Variants in GNB5 observed in about 807,000 individuals in gnomAD.
GNB5 encodes the protein G protein subunit beta 5.
GNB5 carries 37 observed loss-of-function variants against 55.3 expected under a neutral mutation model. The ratio of observed to expected loss-of-function variants is 0.67; its 90% confidence interval spans 0.51 to 0.88. The LOEUF (loss-of-function observed/expected upper bound fraction) is 0.88, where lower values mean the gene tolerates loss of function less well. Ranked by LOEUF, GNB5 falls within the 40% of genes least tolerant of loss-of-function variation. The pLI is 0.00. For missense variants in GNB5, 476 were observed against 515.3 expected (o/e 0.92, Z 0.74); for synonymous variants, 219 against 198.5 (o/e 1.10, Z -0.87).
intron 3 of GNB5, among the ~76,000 whole-genome samples, chr15:52,158,662 A>T (rs1364160269): frequency 6.7e-6 from 1 of 149,912 alleles, no homozygotes. Flanking sequence ...TTTTTTTTTT[A>T]AAGTTCCTTT....
At chr15:52,160,087 C>A (rs931773433) in intron 3 of GNB5, among the ~76,000 whole-genome samples, 1 of 151,712 alleles carries the variant, frequency 6.6e-6, no homozygotes, top group Non-Finnish European at 1.5e-5. Flanking sequence ...AGCTGGAATT[C>A]CAGGCCCATG....
chr15:52,169,560 A>G (rs1284737041), intron 3 of GNB5, among the ~76,000 whole-genome samples: 8 of 149,010 alleles, frequency 5.4e-5, no homozygotes, highest in East Asian at 1.9e-4. Context: ...AAAAAAAAAA[A>G]AAAGAAAAGA....
chr15:52,155,102 A>G (rs4776007), intron 3 of GNB5, among the ~76,000 whole-genome samples: 26,850 of 152,220 alleles, frequency 0.18, 2,647 homozygotes, highest in Admixed American at 0.3. Context: ...TCTTGTTGGT[A>G]GCTATGTGAG....
At chr15:52,123,322 C>T (rs201768721) in intron 12 of GNB5, among the ~76,000 whole-genome samples, 1 of 151,682 alleles carries the variant, frequency 6.6e-6, no homozygotes, top group East Asian at 1.9e-4. Flanking sequence ...TGTTCGAAAC[C>T]CTCCCCCACC....
Position 52,115,156 on chromosome 15 carries a change from A to G in GNB5, c.*7601T>C, listed in dbSNP as rs550217286. ...CAGTCATGATTTTACCTTTTTGTAC[A>G]TTAAACTTTAGCAGCAAGAACATTG... On this transcript the variant is annotated 3_prime_UTR_variant, in exon 13 of 13. Coordinates refer to ENST00000261837, the MANE Select transcript of GNB5 (RefSeq NM_016194.4). 3.3e-5 allele frequency: 5 copies of G among 150,940 alleles called. No individual in the cohort carries two copies. In the East Asian group the frequency reaches 1.0e-3, roughly 31 times the overall value. The allele number at this position is 150,940 out of a possible 1,614,324, so 9.4% of individuals were successfully genotyped here. A position where few individuals can be genotyped will look rare whatever the true frequency, so the allele number is the denominator to read the frequency against.
intron 3 of GNB5, among the ~76,000 whole-genome samples, chr15:52,176,376 C>A (rs189476599): frequency 1.4e-4 from 21 of 152,332 alleles, no homozygotes; most frequent in Non-Finnish European, 8.8e-5. Context: ...GGGGATGATA[C>A]CACTTTCCTT....
At chr15:52,146,264 T>C (rs978690203) in intron 6 of GNB5, among the ~76,000 whole-genome samples, 1 of 152,170 alleles carries the variant, frequency 6.6e-6, no homozygotes, top group Non-Finnish European at 1.5e-5. Flanking sequence ...CGGCCTAATA[T>C]GCCTCTTTTT....
At chr15:52,178,197 A>G (rs993343212) in intron 3 of GNB5, among the ~76,000 whole-genome samples, 8 of 152,204 alleles carry the variant, frequency 5.3e-5, no homozygotes, top group African/African-American at 1.4e-4. Flanking sequence ...CCTGGGGGGA[A>G]TCCGGGTCCC....
intron 3 of GNB5, among the ~76,000 whole-genome samples, chr15:52,171,326 C>A (rs2034551110): frequency 6.6e-6 from 1 of 151,820 alleles, no homozygotes; most frequent in Non-Finnish European, 1.5e-5. Flanking sequence ...CTAGTACAGT[C>A]CCTAGTAAGC....
intron 6 of GNB5, among the ~76,000 whole-genome samples, chr15:52,142,046 C>T (rs189972935): frequency 6.6e-6 from 1 of 152,284 alleles, no homozygotes; most frequent in East Asian, 1.9e-4. Context: ...GTGGATTTGT[C>T]AGATGGTTTC....
At chr15:52,187,777 C>T (rs1406977794) in intron 1 of GNB5, among the ~76,000 whole-genome samples, 2 of 151,972 alleles carry the variant, frequency 1.3e-5, no homozygotes, top group African/African-American at 2.4e-5. Context: ...AAGGAAACCT[C>T]ATCTCTACTA....
intron 1 of GNB5, among the ~76,000 whole-genome samples, chr15:52,190,424 T>C (rs546864449): frequency 2.6e-5 from 4 of 152,256 alleles, no homozygotes; most frequent in Admixed American, 6.5e-5. Context: ...GCCCAAAGAT[T>C]ATTTTTAAAA....
At chr15:52,189,397 A>G (rs1011441736) in intron 1 of GNB5, among the ~76,000 whole-genome samples, 4 of 152,158 alleles carry the variant, frequency 2.6e-5, no homozygotes, top group African/African-American at 9.7e-5. Flanking sequence ...CAGCCTGGGC[A>G]ACATGGTGAA....
At chr15:52,156,702 C>T (rs1363261292) in intron 3 of GNB5, among the ~76,000 whole-genome samples, 1 of 152,110 alleles carries the variant, frequency 6.6e-6, no homozygotes. Flanking sequence ...GCTGAGATTG[C>T]GCCACTGCAC....
At position 52,127,814 on chromosome 15, in the gene GNB5, GAAA is replaced by G. The variant is rs60081352; in HGVS notation, c.912+379_912+381del. 2.1e-5 allele frequency among the ~76,000 whole-genome samples: 3 copies of G among 140,864 alleles called. No individual in the cohort carries two copies. In the East Asian group the frequency reaches 6.2e-4, roughly 29 times the overall value. 92.4% of individuals were successfully genotyped at this position (140,864 alleles called of 152,430 possible). A position where few individuals can be genotyped will look rare whatever the true frequency, so the allele number is the denominator to read the frequency against. On this transcript the variant is annotated intron_variant, in intron 10 of 12. Coordinates refer to ENST00000261837, the MANE Select transcript of GNB5 (RefSeq NM_016194.4). ...AACACTTATAGTAGTGTTTTTAACAGAAAAAAAAAAAAACCTTGAGAAAAGCCA... is the reference window on the plus strand; with the variant it reads ...AACACTTATAGTAGTGTTTTTAACAGAAAAAAAAAACCTTGAGAAAAGCCA...
At chr15:52,166,867 C>A (rs1033955031) in intron 3 of GNB5, among the ~76,000 whole-genome samples, 2 of 151,844 alleles carry the variant, frequency 1.3e-5, no homozygotes, top group Non-Finnish European at 2.9e-5. Context: ...ACATGAAAAA[C>A]CCTTCAAAAA....
In GNB5 at chr15:52,121,120, G is replaced by A. The variant is rs1566929543; in HGVS notation, c.*1637C>T. ...ATGGCTGTGCCCAGCTCCAGCTCTG[G>A]AAGAGTCTCTCTGAGGAGCAGGGCC... On this transcript the variant is annotated 3_prime_UTR_variant, in exon 13 of 13. Transcript: ENST00000261837. 6.6e-6 allele frequency: 1 copy of A among 152,202 alleles called. No individual in the cohort carries two copies. Among genetic ancestry groups the A allele is most frequent in the Admixed American group, 6.5e-5 (1 of 15,268 alleles). The allele number at this position is 152,202 out of a possible 1,614,324, so 9.4% of individuals were successfully genotyped here.
At chr15:52,166,588 G>A (rs1361301489) in intron 3 of GNB5, among the ~76,000 whole-genome samples, 1 of 152,072 alleles carries the variant, frequency 6.6e-6, no homozygotes, top group Non-Finnish European at 1.5e-5. Context: ...ATGACTCCTA[G>A]GTAAATAATG....
intron 1 of GNB5, among the ~76,000 whole-genome samples, chr15:52,188,768 A>T (rs1380620897): frequency 6.6e-6 from 1 of 152,214 alleles, no homozygotes; most frequent in African/African-American, 2.4e-5. Flanking sequence ...TATGTGACTT[A>T]AAAAATTACC....
Sources: gnomAD v4.1 joint callset for allele counts (sites outside exome capture counted in the v4.1 genomes callset) on GRCh38, gnomAD v4.1.1 for gene constraint, MANE v1.5 for transcripts, NCBI Gene and HGNC (gene_info 2026-07-23, HGNC 2026-07-21) for gene names.